Variants in TMEM108 observed in about 807,000 individuals in gnomAD.
TMEM108 encodes the protein transmembrane protein 108.
Under a neutral mutation model 35.1 loss-of-function variants are expected in TMEM108, and 12 were observed. The ratio of observed to expected loss-of-function variants is 0.34; its 90% CI spans 0.22 to 0.55. The LOEUF is 0.55. Among genes scored for constraint, TMEM108 ranks in the 20% least tolerant of loss-of-function variants. TMEM108 has a pLI of 0.89. For synonymous variants in TMEM108, 287 were observed against 308.6 expected (o/e 0.93, Z 0.73); for missense variants, 680 against 753.3 (o/e 0.90, Z 1.14).
At chr3:133,087,414 T>C (rs1943897078) in intron 2 of TMEM108, among the ~76,000 whole-genome samples, 1 of 152,236 alleles carries the variant, frequency 6.6e-6, no homozygotes, top group Admixed American at 6.5e-5. Context: ...CTTGCTTTGT[T>C]GTATAGCCCC....
chr3:133,145,076 A>C (rs374503456), intron 2 of TMEM108, among the ~76,000 whole-genome samples: 76 of 152,122 alleles, frequency 5.0e-4, no homozygotes, highest in Middle Eastern at 3.4e-3. Context: ...AGGTTTTCTT[A>C]TAGGGTTTTT....
At chr3:133,111,496 T>C (rs575411275) in intron 2 of TMEM108, among the ~76,000 whole-genome samples, 1 of 152,274 alleles carries the variant, frequency 6.6e-6, no homozygotes, top group South Asian at 2.1e-4. Flanking sequence ...TGTATATATA[T>C]ATCTGTATGG....
intron 2 of TMEM108, among the ~76,000 whole-genome samples, chr3:133,140,511 A>T (rs1338963453): frequency 6.6e-6 from 1 of 152,224 alleles, no homozygotes; most frequent in African/African-American, 2.4e-5. Context: ...ATTGATTAGA[A>T]AGAAGATATT....
chr3:133,377,507 A>T (rs2072877621), intron 3 of TMEM108, among the ~76,000 whole-genome samples: 1 of 152,140 alleles, frequency 6.6e-6, no homozygotes, highest in Non-Finnish European at 1.5e-5. Context: ...TTTAAAGACA[A>T]CCCTTGTTTC....
chr3:133,226,590 A>G (rs924705081), intron 2 of TMEM108, among the ~76,000 whole-genome samples: 5 of 152,156 alleles, frequency 3.3e-5, no homozygotes, highest in Non-Finnish European at 5.9e-5. Context: ...AGAAAGTATA[A>G]TAAGGCATGT....
At position 133,374,852 on chromosome 3, in the gene TMEM108, C is replaced by T. The variant is rs560608784; in HGVS notation, c.41-4900C>T. On this transcript the variant is annotated intron_variant, in intron 3 of 5. Transcript: ENST00000321871. ...GACCAACAATAGAGAATCAGTTCTC[C>T]AAAGATGTGAATCATTGCTTTTGAA... 9.2e-5 allele frequency among the ~76,000 whole-genome samples: 14 copies of T among 152,268 alleles called. No individual in the cohort carries two copies. The South Asian group carries it at 2.5e-3, about 27-fold the overall frequency.
chr3:133,288,812 T>A (rs1275972535), intron 3 of TMEM108, among the ~76,000 whole-genome samples: 1 of 152,166 alleles, frequency 6.6e-6, no homozygotes, highest in Non-Finnish European at 1.5e-5. Context: ...CAATCTCAGC[T>A]CTCTGTCCTC....
At chr3:133,182,039 C>T (rs1189937989) in intron 2 of TMEM108, among the ~76,000 whole-genome samples, 1 of 152,184 alleles carries the variant, frequency 6.6e-6, no homozygotes, top group Non-Finnish European at 1.5e-5. Context: ...CCAGATCTTC[C>T]CTATCTCATA....
chr3:133,241,691 C>G, intron 3 of TMEM108, among the ~76,000 whole-genome samples: 1 of 140,416 alleles, frequency 7.1e-6, no homozygotes, highest in Non-Finnish European at 1.5e-5. Flanking sequence ...TCTTGGTGCA[C>G]TGCAACCTCT....
Position 133,387,483 on chromosome 3 carries a change from C to G in TMEM108, c.1451-2697C>G. On this transcript the variant is annotated intron_variant, in intron 4 of 5. Transcript: ENST00000321871. ...TTTCTGTTCTGACTCCCAGGCCTTC[C>G]CGCAGGGCAGGATCTCTGCATCTGG... 1.5e-5 allele frequency: 15 copies of G among 985,452 alleles called. 1 individual carries two copies. The South Asian group carries it at 7.0e-4, about 46-fold the overall frequency. 61.0% of individuals were successfully genotyped at this position (985,452 alleles called of 1,614,324 possible). A position where few individuals can be genotyped will look rare whatever the true frequency, so the allele number is the denominator to read the frequency against.
At chr3:133,337,265 C>A (rs2071527345) in intron 3 of TMEM108, among the ~76,000 whole-genome samples, 1 of 152,204 alleles carries the variant, frequency 6.6e-6, no homozygotes, top group African/African-American at 2.4e-5. Context: ...GTGCAGGCTG[C>A]AGGTCTTACC....
At position 133,346,184 on chromosome 3, in the gene TMEM108, A is replaced by C. The variant is rs2071812516; in HGVS notation, c.41-33568A>C. Among the ~76,000 whole-genome samples the C allele has an allele frequency of 6.6e-6, 1 of 151,988 alleles. No homozygotes were observed. The highest frequency in any genetic ancestry group is 2.4e-5 in the African/African-American group (1 of 41,430). ...CACAATTACTAGATCATACAGTAAG[A>C]CTATGATTAACTTTGTAAGAAACTG... On this transcript the variant is annotated intron_variant, in intron 3 of 5. Transcript: ENST00000321871. The surrounding 1 kb of genome is among the most constrained non-coding windows in gnomAD (Gnocchi z 4.0).
intron 2 of TMEM108, among the ~76,000 whole-genome samples, chr3:133,081,032 A>G (rs1021315143): frequency 2.0e-5 from 3 of 152,160 alleles, no homozygotes; most frequent in African/African-American, 7.2e-5. Context: ...TTTCCACATA[A>G]CAACTTCTCG....
chr3:133,227,235 C>T (rs1159958130), intron 2 of TMEM108, among the ~76,000 whole-genome samples: 16 of 132,484 alleles, frequency 1.2e-4, no homozygotes, highest in African/African-American at 4.4e-4. Context: ...CGCTGTCGCC[C>T]AGGCTGGAGT....
At chr3:133,301,709 A>G (rs1947227427) in intron 3 of TMEM108, among the ~76,000 whole-genome samples, 1 of 152,164 alleles carries the variant, frequency 6.6e-6, no homozygotes, top group South Asian at 2.1e-4. Context: ...TTTCAGTTTT[A>G]TACTCTCTGC....
chr3:133,352,400 G>T (rs1467891611), intron 3 of TMEM108, among the ~76,000 whole-genome samples: 2 of 152,136 alleles, frequency 1.3e-5, no homozygotes, highest in Admixed American at 1.3e-4. Context: ...GACACCAACT[G>T]GGTGTTCTAC....
intron 2 of TMEM108, among the ~76,000 whole-genome samples, chr3:133,048,686 C>T (rs189312560): frequency 7.2e-4 from 109 of 152,286 alleles, no homozygotes; most frequent in Admixed American, 2.2e-3. Flanking sequence ...TATTTTGGAT[C>T]TACTATGTAG....
At chr3:133,241,990 C>T (rs746898775) in intron 3 of TMEM108, among the ~76,000 whole-genome samples, 11 of 152,040 alleles carry the variant, frequency 7.2e-5, no homozygotes, top group South Asian at 2.1e-4. Context: ...GTTTTGGAGG[C>T]CAAAAGTCCA....
intron 2 of TMEM108, among the ~76,000 whole-genome samples, chr3:133,179,788 G>C (rs56135248): frequency 5.3e-5 from 8 of 151,326 alleles, no homozygotes; most frequent in Middle Eastern, 3.4e-3. Context: ...CACATGTACC[G>C]TAAAACTTAA....
Sources: allele counts gnomAD v4.1 joint callset (sites outside exome capture counted in the v4.1 genomes callset), GRCh38; gene constraint gnomAD v4.1.1; non-coding constraint Gnocchi (gnomAD v3.1); transcripts MANE v1.5; gene names NCBI Gene and HGNC (gene_info 2026-07-23, HGNC 2026-07-21).